The following RELN variants were observed in gnomAD, a reference collection of about 807,000 sequenced individuals.
RELN encodes reelin.
A neutral mutation model predicts 427.6 loss-of-function variants in RELN; 108 were observed. That is an observed-to-expected ratio of 0.25 (90% confidence interval 0.22 to 0.30). The LOEUF (loss-of-function observed/expected upper bound fraction) is 0.30. Among genes scored for constraint, RELN ranks in the 10% least tolerant of loss-of-function variants. The pLI, the probability that RELN is intolerant of heterozygous loss-of-function variation, is 1.00. For missense variants in RELN, 3,715 were observed against 4,302.8 expected (o/e 0.86, Z 3.82); for synonymous variants, 1,524 against 1,513.4 (o/e 1.01, Z -0.16).
chr7:103,648,078 G>T, intron 16 of RELN, among the ~76,000 whole-genome samples: 1 of 152,004 alleles, frequency 6.6e-6, no homozygotes, highest in East Asian at 1.9e-4. Context: ...TTAAATGTAA[G>T]ATATGAAACT....
At chr7:103,557,270 G>T (rs1830546371) in intron 37 of RELN, 111 bp from the exon 38 acceptor site, 1 of 943,652 alleles carries the variant, frequency 1.1e-6, no homozygotes, top group Non-Finnish European at 1.7e-6. Flanking sequence ...ATGTTTACAT[G>T]GAAGCTTTAT....
At chr7:103,959,055 G>A (rs937293016) in intron 1 of RELN, among the ~76,000 whole-genome samples, 14 of 152,136 alleles carry the variant, frequency 9.2e-5, no homozygotes, top group African/African-American at 3.4e-4. Context: ...CGATTCTCCT[G>A]CCTCAGCCTC....
At chr7:103,805,509 TA>T (rs1792576862) in intron 3 of RELN, among the ~76,000 whole-genome samples, 1 of 152,188 alleles carries the variant, frequency 6.6e-6, no homozygotes, top group South Asian at 2.1e-4. Flanking sequence ...CTGGTCTAAA[TA>T]CTTAAAACAA....
Position 103,503,191 on chromosome 7 carries a change from T to G in RELN, c.8314A>C (p.Asn2772His). The G allele has an allele frequency of 6.2e-7, 1 of 1,614,184 alleles. No homozygotes were observed. The highest frequency in any genetic ancestry group is 8.5e-7 in the Non-Finnish European group (1 of 1,180,026). The change falls in exon 52 of 65, where the codon AAT becomes CAT. Residue 2772 changes from asparagine (N) to histidine (H), a missense_variant. Physicochemically the swap from Asn to His is moderately conservative, Grantham distance 68. Coordinates refer to ENST00000428762, the MANE Select transcript of RELN (RefSeq NM_005045.4). ...GCKVSEKIAQ[N>H]QIHVQYSTDF... ...GTAGAATACTGCACATGAATTTGAT[T>G]CTGGGCAATTTTTTCAGACACCTTA...
intron 3 of RELN, among the ~76,000 whole-genome samples, chr7:103,827,788 A>G (rs1793179115): frequency 6.6e-6 from 1 of 152,022 alleles, no homozygotes; most frequent in Non-Finnish European, 1.5e-5. Flanking sequence ...ATGCCTGCTT[A>G]AAAACAGAAA....
Position 103,561,858 on chromosome 7 carries a change from G to C in RELN, c.5306C>G (p.Pro1769Arg), listed in dbSNP as rs1830649453. ...AATCCCTCGTCCTGAGCACATCCAA[G>C]GGCACCCTGAGGCCAGTACAACATT... Reference protein sequence around the residue: ...IDNVVLASGCPWMCSGRGICD... With the variant: ...IDNVVLASGCRWMCSGRGICD... Residue 1769 changes from proline to arginine, a missense_variant, in exon 35 of 65, where the codon CCT becomes CGT. By Grantham distance (103) the Pro-to-Arg change is moderately radical. Transcript: ENST00000428762. 1 of 1,613,276 alleles carries C rather than the reference G, an allele frequency of 6.2e-7. No homozygotes were observed. The highest frequency in any genetic ancestry group is 8.5e-7 in the Non-Finnish European group (1 of 1,179,822).
At chr7:103,489,632 T>A in intron 60 of RELN, 110 bp downstream of exon 60, 1 of 1,242,142 alleles carries the variant, frequency 8.1e-7, no homozygotes, top group Non-Finnish European at 1.2e-6. Context: ...GAATCTCAGA[T>A]CCCTCAGGCT....
intron 2 of RELN, among the ~76,000 whole-genome samples, chr7:103,877,583 C>T (rs1160015924): frequency 1.3e-5 from 2 of 152,116 alleles, no homozygotes; most frequent in African/African-American, 4.8e-5. Context: ...CTGACCTTCT[C>T]GATTCAATTC....
chr7:103,601,800 G>A (rs905905274), intron 24 of RELN, among the ~76,000 whole-genome samples: 1 of 152,148 alleles, frequency 6.6e-6, no homozygotes, highest in African/African-American at 2.4e-5. Context: ...CTAACCAAGC[G>A]ACACAGGTTG....
At position 103,650,323 on chromosome 7, in the gene RELN, G is replaced by A; in HGVS notation, c.1953C>T (p.Arg651=). 3 of 1,612,980 alleles carry A rather than the reference G, an allele frequency of 1.9e-6. No individual in the cohort carries two copies. The South Asian group carries it at 3.3e-5, about 18-fold the overall frequency. The change falls in exon 16 of 65, where the codon CGC becomes CGT. Residue 651 remains arginine (R), a synonymous_variant. Coordinates refer to ENST00000428762, the MANE Select transcript of RELN (RefSeq NM_005045.4). ...CAAGGATTGGTCCTGTTTGTCTCCAGCGAATCCTGGTGTTCCGGGTTAGTG... is the reference window on the plus strand; with the variant it reads ...CAAGGATTGGTCCTGTTTGTCTCCAACGAATCCTGGTGTTCCGGGTTAGTG... ...NAALTRNTRI[R]WRQTGPILGN...
chr7:103,806,975 T>C (rs1159897106), intron 3 of RELN, among the ~76,000 whole-genome samples: 1 of 152,138 alleles, frequency 6.6e-6, no homozygotes, highest in Non-Finnish European at 1.5e-5. Flanking sequence ...TCAATGGCTT[T>C]ACAGACTAAG....
chr7:103,636,585 C>T, intron 17 of RELN, 117 bp from the exon 18 acceptor site: 1 of 737,924 alleles, frequency 1.4e-6, no homozygotes. Flanking sequence ...GTAAATGAGG[C>T]TCATTAGTCT....
chr7:103,935,386 C>T (rs534723838), intron 1 of RELN, among the ~76,000 whole-genome samples: 4 of 152,210 alleles, frequency 2.6e-5, no homozygotes, highest in African/African-American at 7.2e-5. Flanking sequence ...TCCTCTGTCC[C>T]GGTCTACTCT....
At chr7:103,862,412 TATCTATCTATCTATCTA>T (rs1377565151) in intron 2 of RELN, among the ~76,000 whole-genome samples, 33 of 41,440 alleles carry the variant, frequency 8.0e-4, no homozygotes, top group Admixed American at 1.9e-3. Flanking sequence ...GCTTTTGTTC[TATCTATCTATCTATCTA>T]TCTATCTATC....
At chr7:103,737,734 G>A (rs1342543552) in intron 6 of RELN, among the ~76,000 whole-genome samples, 1 of 152,150 alleles carries the variant, frequency 6.6e-6, no homozygotes, top group Non-Finnish European at 1.5e-5. Flanking sequence ...AATACCAGAT[G>A]CAGCAGAGTC....
chr7:103,551,037 C>A, intron 41 of RELN, 30 bp downstream of exon 41: 1 of 1,569,472 alleles, frequency 6.4e-7, no homozygotes, highest in Non-Finnish European at 8.7e-7. Context: ...AAAGGAGAAA[C>A]AAATGTGGCG....
intron 6 of RELN, among the ~76,000 whole-genome samples, chr7:103,740,864 G>C (rs1362753698): frequency 6.6e-6 from 1 of 151,600 alleles, no homozygotes; most frequent in African/African-American, 2.4e-5. Context: ...AGAATCCCAG[G>C]GGGAAAATAT....
intron 24 of RELN, among the ~76,000 whole-genome samples, chr7:103,598,258 C>T (rs1001518918): frequency 6.6e-6 from 1 of 152,130 alleles, no homozygotes; most frequent in East Asian, 1.9e-4. Flanking sequence ...CTTTGGAAAT[C>T]TCAATTTTAG....
intron 43 of RELN, 121 bp downstream of exon 43, chr7:103,542,610 G>A (rs185300011): frequency 5.1e-6 from 5 of 980,994 alleles, no homozygotes; most frequent in African/African-American, 4.8e-5. Context: ...AAAGAGAGAA[G>A]TTCAGTATTT....
Sources: allele counts gnomAD v4.1 joint callset (sites outside exome capture counted in the v4.1 genomes callset), GRCh38; gene constraint gnomAD v4.1.1; transcripts MANE v1.5; gene names NCBI Gene and HGNC (gene_info 2026-07-23, HGNC 2026-07-21).